The following LTBP1 variants were observed in gnomAD, a reference collection of about 807,000 sequenced individuals.
LTBP1 encodes latent-transforming growth factor beta-binding protein 1.
A neutral mutation model predicts 207.6 loss-of-function variants in LTBP1; 129 were observed. The ratio of observed to expected loss-of-function variants is 0.62; its 90% CI spans 0.54 to 0.72. The LOEUF (loss-of-function observed/expected upper bound fraction) is 0.72, where lower values mean the gene tolerates loss of function less well. Ranked by LOEUF, LTBP1 falls within the 30% of genes least tolerant of loss-of-function variation. LTBP1 has a pLI of 0.00. For synonymous variants in LTBP1, 963 were observed against 833.7 expected (o/e 1.16, Z -2.67); for missense variants, 2,281 against 2,217.2 (o/e 1.03, Z -0.58).
At chr2:32,988,495 C>T (rs539816556) in intron 2 of LTBP1, among the ~76,000 whole-genome samples, 1 of 152,290 alleles carries the variant, frequency 6.6e-6, no homozygotes, top group South Asian at 2.1e-4. Context: ...AGATAATCAG[C>T]TAATGGTGCA....
rs113073520 is a variant in LTBP1 at position 33,253,252 on chromosome 2, G to A, written c.2167+408G>A. Among the ~76,000 whole-genome samples, 520 of 152,100 alleles carry A rather than the reference G, an allele frequency of 3.4e-3. 4 individuals are homozygous for A. Among genetic ancestry groups the A allele is most frequent in the African/African-American group, 0.012 (496 of 41,484 alleles). On this transcript the variant is annotated intron_variant, in intron 11 of 33. Coordinates refer to ENST00000404816, the MANE Select transcript of LTBP1 (RefSeq NM_206943.4). ...CTCATTTACTCATTTATTGAGTATC[G>A]TGCTTAATTTCTTTAATTGGAAATG... is the stretch of plus-strand genomic sequence containing the variant.
chr2:33,186,858 A>C lies in LTBP1; in HGVS notation c.1204A>C (p.Ile402Leu). The C allele has an allele frequency of 6.2e-7, 1 of 1,612,918 alleles. No individual in the cohort carries two copies. Among genetic ancestry groups the C allele is most frequent in the Non-Finnish European group, 8.5e-7 (1 of 1,178,962 alleles). ...ATGTTTTCTCTTTTCCCTTTTAGTA[A>C]TTTGCCATCTTCCATGTATGAATGG... is the stretch of plus-strand genomic sequence containing the variant. ...TLTATNFRVV[I>L]CHLPCMNGGQ... The change falls in exon 6 of 34, where the codon ATT becomes CTT. Residue 402 changes from isoleucine (I) to leucine (L), a missense_variant and splice_region_variant. Ile to Leu is a conservative substitution (Grantham distance 5). Coordinates refer to ENST00000404816, the MANE Select transcript of LTBP1 (RefSeq NM_206943.4).
At chr2:33,333,430 C>A (rs2094519780) in intron 24 of LTBP1, among the ~76,000 whole-genome samples, 1 of 152,046 alleles carries the variant, frequency 6.6e-6, no homozygotes, top group African/African-American at 2.4e-5. Flanking sequence ...ATAGCTCAGG[C>A]CACACATATT....
chr2:33,116,731 G>GGA (rs1572703888), intron 4 of LTBP1, among the ~76,000 whole-genome samples: 4 of 149,640 alleles, frequency 2.7e-5, no homozygotes. Context: ...CTAACATGGG[G>GGA]GAGAGAGAGA....
chr2:33,300,378 A>T (rs1297398133), intron 20 of LTBP1, 73 bp from the exon 21 acceptor site: 11 of 1,487,102 alleles, frequency 7.4e-6, no homozygotes, highest in Non-Finnish European at 1.0e-5. Context: ...TAATCCCAGA[A>T]TGCATTGCAG....
At chr2:33,013,392 T>TAGA (rs1687932828) in intron 2 of LTBP1, among the ~76,000 whole-genome samples, 1 of 152,092 alleles carries the variant, frequency 6.6e-6, no homozygotes, top group Non-Finnish European at 1.5e-5. Context: ...CTGTTCTTTT[T>TAGA]TTCATTTTTT....
chr2:33,398,322 A>AG (rs1363669996), intron 33 of LTBP1, 42 bp from the exon 34 acceptor site: 2 of 1,585,072 alleles, frequency 1.3e-6, no homozygotes, highest in Non-Finnish European at 1.7e-6. Flanking sequence ...CTCACAGAAT[A>AG]ATATCCAAGA....
chr2:33,171,124 G>A (rs932651208), intron 5 of LTBP1, among the ~76,000 whole-genome samples: 1 of 132,378 alleles, frequency 7.6e-6, no homozygotes, highest in African/African-American at 2.8e-5. Context: ...AAGGAACGCA[G>A]TTCCTCACCA....
chr2:33,080,355 A>G (rs571645080), intron 3 of LTBP1, among the ~76,000 whole-genome samples: 1 of 152,124 alleles, frequency 6.6e-6, no homozygotes. Flanking sequence ...ACTAGAACCA[A>G]TGTCCCCATT....
At chr2:33,223,533 A>T (rs1414612265) in intron 9 of LTBP1, among the ~76,000 whole-genome samples, 1 of 150,970 alleles carries the variant, frequency 6.6e-6, no homozygotes, top group East Asian at 1.9e-4. Context: ...TTAAGGTATC[A>T]TTGAATTAAT....
At chr2:33,280,245 C>G (rs755695241) in intron 19 of LTBP1, 87 bp downstream of exon 19, 31 of 1,295,900 alleles carry the variant, frequency 2.4e-5, no homozygotes, top group Non-Finnish European at 3.1e-5. Context: ...ATGGAGCCCT[C>G]TTTCAAAATG....
rs372856332 is a variant in LTBP1, at chr2:33,188,866, C to T, written c.1701+15C>T. On this transcript the variant is annotated intron_variant, in intron 7 of 33. Transcript: ENST00000404816. ...TTGGGTCACAGGTAAACATCATCAC[C>T]GAGCCTGCTTTAGCAGTGTCTTACA... The T allele has an allele frequency of 9.1e-5, 146 of 1,612,414 alleles. No individual in the cohort carries two copies. The East Asian group carries it at 9.1e-4, about 10-fold the overall frequency.
At chr2:33,013,081 GT>G (rs1687894023) in intron 2 of LTBP1, among the ~76,000 whole-genome samples, 1 of 152,188 alleles carries the variant, frequency 6.6e-6, no homozygotes, top group East Asian at 1.9e-4. Flanking sequence ...TAGCGCTGCT[GT>G]GGACACCTAC....
intron 31 of LTBP1, among the ~76,000 whole-genome samples, chr2:33,374,368 T>A (rs1198251621): frequency 1.1e-4 from 16 of 152,170 alleles, no homozygotes; most frequent in Admixed American, 1.0e-3. Context: ...TGAGACCTCT[T>A]CGTGAGGTTA....
intron 24 of LTBP1, among the ~76,000 whole-genome samples, chr2:33,326,029 TC>T (rs1446607131): frequency 6.6e-6 from 1 of 152,200 alleles, no homozygotes; most frequent in East Asian, 1.9e-4. Flanking sequence ...GTTCTCTTTT[TC>T]TGTAAAGAAT....
At chr2:33,104,474 A>G (rs940275537) in intron 3 of LTBP1, among the ~76,000 whole-genome samples, 4 of 152,138 alleles carry the variant, frequency 2.6e-5, no homozygotes, top group African/African-American at 9.7e-5. Flanking sequence ...CTTCAACCAA[A>G]CCCAGCGGCC....
At chr2:33,260,030 A>T (rs529368935) in intron 13 of LTBP1, among the ~76,000 whole-genome samples, 1 of 152,330 alleles carries the variant, frequency 6.6e-6, no homozygotes, top group Non-Finnish European at 1.5e-5. Flanking sequence ...GTTCAACTAA[A>T]ATTTAACATA....
At chr2:33,000,935 A>AT (rs955392985) in intron 2 of LTBP1, among the ~76,000 whole-genome samples, 2 of 133,388 alleles carry the variant, frequency 1.5e-5, no homozygotes, top group African/African-American at 5.2e-5. Context: ...TGAAAAGAGG[A>AT]TTTTTTTTCC....
At chr2:33,265,126 ATCT>A (rs2093139311) in intron 15 of LTBP1, among the ~76,000 whole-genome samples, 4 of 152,168 alleles carry the variant, frequency 2.6e-5, no homozygotes, top group Admixed American at 2.6e-4. Flanking sequence ...GCTGAGGGTG[ATCT>A]TCTTTACACA....
Sources: allele counts gnomAD v4.1 joint callset (sites outside exome capture counted in the v4.1 genomes callset), GRCh38; gene constraint gnomAD v4.1.1; transcripts MANE v1.5; gene names NCBI Gene and HGNC (gene_info 2026-07-23, HGNC 2026-07-21).